Variants in CD226 observed in about 807,000 individuals in gnomAD.
CD226 encodes the protein CD226 molecule.
Under a neutral mutation model 34.9 loss-of-function variants are expected in CD226, and 24 were observed. That is an observed-to-expected ratio of 0.69 (90% CI 0.50 to 0.97). The LOEUF (loss-of-function observed/expected upper bound fraction) is 0.97. CD226 is among the 50% of genes least tolerant of loss of function. CD226 has a pLI of 0.00. For synonymous variants in CD226, 148 were observed against 147.4 expected, an observed-to-expected ratio of 1.00 and a Z score of -0.03; for missense variants, 397 against 412.7, an observed-to-expected ratio of 0.96 and a Z score of 0.33.
upstream of CD226, among the ~76,000 whole-genome samples, chr18:69,957,610 C>T (rs541703997): frequency 2.8e-4 from 43 of 152,246 alleles, no homozygotes; most frequent in African/African-American, 9.4e-4. Flanking sequence ...GAAGGAAGGA[C>T]GTTTGACAGG....
At chr18:69,873,633 G>A (rs549278841) in intron 3 of CD226, among the ~76,000 whole-genome samples, 2 of 151,712 alleles carry the variant, frequency 1.3e-5, no homozygotes, top group South Asian at 4.2e-4. Context: ...AATCACAGAG[G>A]TTTAGGAGAG....
chr18:69,889,043 T>C (rs1054649205), intron 3 of CD226, among the ~76,000 whole-genome samples: 4 of 152,010 alleles, frequency 2.6e-5, no homozygotes, highest in African/African-American at 7.2e-5. Context: ...TTGAATGCAA[T>C]AGATCATTAA....
rs536431555 is a variant in CD226, at chr18:69,917,706, G to T, written c.383-21661C>A. On this transcript the variant is annotated intron_variant, in intron 2 of 5. Transcript: ENST00000582621. ...CAAATGGGTGCTTTCGTCTATCATT[G>T]TGAACTTCAGGTATGACCTGCGTTA... Among the ~76,000 whole-genome samples, 11 of 152,306 alleles carry T rather than the reference G, an allele frequency of 7.2e-5. No homozygotes were observed. The South Asian group carries it at 2.3e-3, about 32-fold the overall frequency.
chr18:69,955,540 C>T (rs1478208767), intron 1 of CD226, among the ~76,000 whole-genome samples: 4 of 152,090 alleles, frequency 2.6e-5, no homozygotes, highest in African/African-American at 9.7e-5. Flanking sequence ...TGCTGGGATG[C>T]CCCAGCTGTT....
At chr18:69,899,906 G>C (rs1985504718) in intron 2 of CD226, among the ~76,000 whole-genome samples, 1 of 152,166 alleles carries the variant, frequency 6.6e-6, no homozygotes, top group South Asian at 2.1e-4. Context: ...ACTACCATTT[G>C]ACCCAGCAAT....
In CD226 at chr18:69,860,605, A is replaced by T. The variant is rs113045263; in HGVS notation, c.*3709T>A. 2.6e-5 allele frequency: 4 copies of T among 152,246 alleles called. No individual in the cohort carries two copies. The highest frequency in any genetic ancestry group is 9.6e-5 in the African/African-American group (4 of 41,560). The allele number at this position is 152,246 out of a possible 1,614,324, so 9.4% of individuals were successfully genotyped here. On this transcript the variant is annotated 3_prime_UTR_variant, in exon 6 of 6. Coordinates refer to ENST00000582621, the MANE Select transcript of CD226 (RefSeq NM_001303618.2). ...CTAGAAATAGAGAAGCTTTTAAAAA[A>T]ATTAACTTGTTTTTAGTTTTCAGAT...
intron 2 of CD226, among the ~76,000 whole-genome samples, chr18:69,919,713 T>G (rs572500104): frequency 6.6e-6 from 1 of 152,308 alleles, no homozygotes; most frequent in Admixed American, 6.5e-5. Context: ...AGGCAAATTG[T>G]TTATCATGAC....
chr18:69,955,200 C>T (rs1325378814), intron 1 of CD226, among the ~76,000 whole-genome samples: 1 of 152,160 alleles, frequency 6.6e-6, no homozygotes, highest in African/African-American at 2.4e-5. Flanking sequence ...TTCCCTGTCA[C>T]CTCAGTTTCA....
intron 2 of CD226, among the ~76,000 whole-genome samples, chr18:69,942,202 G>C (rs1450395121): frequency 6.6e-6 from 1 of 152,170 alleles, no homozygotes; most frequent in Non-Finnish European, 1.5e-5. Flanking sequence ...TGTGAGAATA[G>C]ACTAATACAT....
At chr18:69,901,025 A>G (rs1598990381) in intron 2 of CD226, among the ~76,000 whole-genome samples, 1 of 152,184 alleles carries the variant, frequency 6.6e-6, no homozygotes, top group African/African-American at 2.4e-5. Flanking sequence ...CCTTGTCAAA[A>G]TAATCAAACC....
upstream of CD226, among the ~76,000 whole-genome samples, chr18:69,949,599 G>A (rs1408920955): frequency 2.7e-5 from 4 of 149,126 alleles, no homozygotes; most frequent in Non-Finnish European, 5.9e-5. Flanking sequence ...ACACACACAC[G>A]GATACATGCA....
intron 2 of CD226, among the ~76,000 whole-genome samples, chr18:69,920,050 C>T (rs570360079): frequency 8.8e-4 from 134 of 151,936 alleles, no homozygotes; most frequent in South Asian, 1.7e-3. Context: ...TTTTTTGTAG[C>T]AACAGGGTTT....
upstream of CD226, among the ~76,000 whole-genome samples, chr18:69,949,960 GCT>G (rs1324784527): frequency 3.3e-5 from 5 of 151,430 alleles, no homozygotes; most frequent in Admixed American, 6.6e-5. Context: ...ACTTACACAT[GCT>G]CTCACACTCA....
chr18:69,930,091 A>G (rs687369), intron 2 of CD226, among the ~76,000 whole-genome samples: 12 of 152,328 alleles, frequency 7.9e-5, no homozygotes, highest in African/African-American at 2.9e-4. Flanking sequence ...TATTTGATAC[A>G]TCATTCCTGG....
rs17081848 is a variant in CD226 at position 69,929,842 on chromosome 18, C to T, written c.382+16892G>A. On this transcript the variant is annotated intron_variant, in intron 2 of 5. Coordinates refer to ENST00000582621, the MANE Select transcript of CD226 (RefSeq NM_001303618.2). The stretch of plus-strand genomic sequence containing the variant: ...TCTTGAATCCCTTTTCTATTTCACA[C>T]GCAACATCGAATATATTATGAAATC... 5.9e-3 allele frequency among the ~76,000 whole-genome samples: 903 copies of T among 152,268 alleles called. 9 individuals are homozygous for T. The highest frequency in any genetic ancestry group is 0.024 in the Middle Eastern group (7 of 294).
rs1405768334 is a variant in CD226, at chr18:69,859,479, T to C, written c.*4835A>G. 6.6e-6 allele frequency: 1 copy of C among 152,118 alleles called. No homozygotes were observed. The highest frequency in any genetic ancestry group is 1.5e-5 in the Non-Finnish European group (1 of 68,024). The allele number at this position is 152,118 out of a possible 1,614,324, so 9.4% of individuals were successfully genotyped here. ...AAATATTGATATAATCATATTTTAA[T>C]ACAAATATTTCTGAAAGAGACATGA... On this transcript the variant is annotated 3_prime_UTR_variant, in exon 6 of 6. Coordinates refer to ENST00000582621, the MANE Select transcript of CD226 (RefSeq NM_001303618.2).
At chr18:69,951,816 A>G (rs1371157024), upstream of CD226, among the ~76,000 whole-genome samples, 1 of 152,184 alleles carries the variant, frequency 6.6e-6, no homozygotes, top group Non-Finnish European at 1.5e-5. Flanking sequence ...ACATTTATAC[A>G]CTGTTCATGG....
At chr18:69,922,932 G>C (rs2055470401) in intron 2 of CD226, among the ~76,000 whole-genome samples, 1 of 152,098 alleles carries the variant, frequency 6.6e-6, no homozygotes. Context: ...AGGAGTTCGA[G>C]ACCAGCCTGG....
At chr18:69,887,220 C>T (rs904376335) in intron 3 of CD226, among the ~76,000 whole-genome samples, 3 of 152,090 alleles carry the variant, frequency 2.0e-5, no homozygotes, top group Admixed American at 6.5e-5. Context: ...CCCACACAAT[C>T]GTGTGTATTT....
Sources: allele counts gnomAD v4.1 joint callset (sites outside exome capture counted in the v4.1 genomes callset), GRCh38; gene constraint gnomAD v4.1.1; transcripts MANE v1.5; gene names NCBI Gene and HGNC (gene_info 2026-07-23, HGNC 2026-07-21).